Variants in SECISBP2 observed in about 807,000 individuals in gnomAD.
The protein encoded by SECISBP2 is SECIS binding protein 2.
In SECISBP2, 96 loss-of-function variants were observed where a neutral mutation model predicts 98.2. That is an observed-to-expected ratio of 0.98 (90% CI 0.83 to 1.16). SECISBP2 has a LOEUF of 1.16. Among genes scored for constraint, SECISBP2 ranks in the 50% most tolerant of loss-of-function variants. The probability of loss-of-function intolerance (pLI) is 0.00; values close to 1 mark genes in which losing one functional copy is unlikely to be tolerated. For missense variants in SECISBP2, 1,046 were observed against 1,022.9 expected, an observed-to-expected ratio of 1.02 and a Z score of -0.31; for synonymous variants, 407 against 370.2, an observed-to-expected ratio of 1.10 and a Z score of -1.14.
intron 14 of SECISBP2, among the ~76,000 whole-genome samples, chr9:89,356,226 C>T (rs1407579083): frequency 6.6e-6 from 1 of 152,230 alleles, no homozygotes; most frequent in Non-Finnish European, 1.5e-5. Context: ...TCTAGGTTGC[C>T]TGCTCCTTAT....
In SECISBP2 at chr9:89,358,153, GC is replaced by G. The variant is rs1220391014; in HGVS notation, c.2429del (p.Pro810GlnfsTer3). 3 of 1,613,584 alleles carry G rather than the reference GC, an allele frequency of 1.9e-6. No homozygotes were observed. The highest frequency in any genetic ancestry group is 2.5e-6 in the Non-Finnish European group (3 of 1,179,862). On this transcript the variant is annotated frameshift_variant, in exon 16 of 17. Coordinates refer to ENST00000375807, the MANE Select transcript of SECISBP2 (RefSeq NM_024077.5). LOFTEE classifies it low-confidence loss of function (END_TRUNC). ...GGCCCCAGCTGCCCTGCAGAAGATG[GC>G]CCCCCAGCCCTGAAAGAAAAAGAAG... ...TQGPSCPAED[G>X]PPALKEKEEP... is the part of the protein sequence containing the mutation.
chr9:89,355,285 C>A (rs1831895732), intron 14 of SECISBP2: 2 of 985,390 alleles, frequency 2.0e-6, no homozygotes, highest in Non-Finnish European at 2.4e-6. Flanking sequence ...ATCCTGTAGG[C>A]CAGATGCCTG....
At chr9:89,365,871 C>G in the SECISBP2 span, among the ~76,000 whole-genome samples, 2 of 152,218 alleles carry the variant, frequency 1.3e-5, no homozygotes, top group Admixed American at 1.3e-4. Flanking sequence ...ATGAAGCTGA[C>G]TTTAGTAATG....
At chr9:89,332,779 C>A in intron 5 of SECISBP2, 129 bp from the exon 6 acceptor site, 2 of 756,828 alleles carry the variant, frequency 2.6e-6, no homozygotes, top group South Asian at 3.0e-5. Context: ...GTGGCTGTAA[C>A]GTTTTTCATT....
At chr9:89,347,353 T>C (rs1453343045) in intron 11 of SECISBP2, among the ~76,000 whole-genome samples, 6 of 152,108 alleles carry the variant, frequency 3.9e-5, no homozygotes, top group Admixed American at 6.6e-5. Flanking sequence ...CTTCTTCTTA[T>C]GATCCCCCTT....
intron 5 of SECISBP2, 90 bp downstream of exon 5, chr9:89,328,976 C>A: frequency 1.9e-6 from 2 of 1,069,512 alleles, no homozygotes; most frequent in African/African-American, 1.6e-5. Flanking sequence ...TTGCTGTGGG[C>A]TTTGATGTCC....
chr9:89,356,130 C>T lies in SECISBP2; in HGVS notation c.2114-1281C>T, dbSNP rs7038368. ...GCACAGCAGGAGGTGAGCATTACTGCCTGAGCTCTGCCTTCTGTCAGAACA... is the reference window on the plus strand; with the variant it reads ...GCACAGCAGGAGGTGAGCATTACTGTCTGAGCTCTGCCTTCTGTCAGAACA... On this transcript the variant is annotated intron_variant, in intron 14 of 16. Transcript: ENST00000375807. Among the ~76,000 whole-genome samples the T allele has an allele frequency of 9.3e-3, 1,411 of 152,322 alleles. 25 individuals carry two copies. The highest frequency in any genetic ancestry group is 0.032 in the African/African-American group (1,344 of 41,570).
chr9:89,357,291 C>T, intron 14 of SECISBP2, 120 bp from the exon 15 acceptor site: 1 of 1,086,310 alleles, frequency 9.2e-7, no homozygotes, highest in South Asian at 1.3e-5. Context: ...TCAGGGGCGT[C>T]TGCCTTGGAT....
chr9:89,330,029 C>T (rs542409270), intron 5 of SECISBP2: 1 of 152,298 alleles, frequency 6.6e-6, no homozygotes, highest in African/African-American at 2.4e-5. Context: ...ATTTTCTTCA[C>T]CATCATTTCA....
At chr9:89,329,206 G>A (rs960422603) in intron 5 of SECISBP2, 11 of 304,354 alleles carry the variant, frequency 3.6e-5, no homozygotes, top group Non-Finnish European at 6.2e-5. Flanking sequence ...TCCGCCTCCC[G>A]GGTTCAAGCA....
chr9:89,365,066 C>T, the SECISBP2 span: 3 of 152,312 alleles, frequency 2.0e-5, no homozygotes, highest in Non-Finnish European at 4.4e-5. Flanking sequence ...GGCTCAACTC[C>T]CTGTTCTTAC....
chr9:89,355,395 A>T, intron 14 of SECISBP2: 1 of 985,292 alleles, frequency 1.0e-6, no homozygotes, highest in Non-Finnish European at 1.2e-6. Flanking sequence ...CATCCTCTCC[A>T]GGAGTTTTTA....
At chr9:89,362,111 A>G (rs547958248), downstream of SECISBP2, 4 of 568,224 alleles carry the variant, frequency 7.0e-6, no homozygotes, top group African/African-American at 5.6e-5. Context: ...GCAGCTATCA[A>G]AGCCTGTTAG....
chr9:89,360,442 A>G (rs1282877575), downstream of SECISBP2, among the ~76,000 whole-genome samples: 2 of 152,208 alleles, frequency 1.3e-5, no homozygotes, highest in Non-Finnish European at 2.9e-5. Flanking sequence ...AATTTGATAA[A>G]TCAAAAAATT....
intron 9 of SECISBP2, 62 bp from the exon 10 acceptor site, chr9:89,341,285 G>A: frequency 6.7e-7 from 1 of 1,491,042 alleles, no homozygotes. Context: ...TCAGTTTTTT[G>A]TAAAAAGAAA....
At chr9:89,320,556 C>T (rs1478197243) in intron 2 of SECISBP2, among the ~76,000 whole-genome samples, 4 of 152,104 alleles carry the variant, frequency 2.6e-5, no homozygotes, top group Non-Finnish European at 4.4e-5. Flanking sequence ...CCATAGCTGC[C>T]TCTGTGTGGA....
chr9:89,318,626 G>A lies in SECISBP2; in HGVS notation c.36+14G>A, dbSNP rs535847083. 5 of 1,426,516 alleles carry A rather than the reference G, an allele frequency of 3.5e-6. No individual in the cohort carries two copies. Among genetic ancestry groups the A allele is most frequent in the East Asian group, 5.8e-5 (2 of 34,394 alleles). The allele number at this position is 1,426,516 out of a possible 1,614,324, so 88.4% of individuals were successfully genotyped here. A position where few individuals can be genotyped will look rare whatever the true frequency, so the allele number is the denominator to read the frequency against. The stretch of plus-strand genomic sequence containing the variant: ...CCCGAAAGCGAGGTAAGGGCCGACG[G>A]GGGCTCTCTCGGCAGCCTCAGTCCG... On this transcript the variant is annotated intron_variant, in intron 1 of 16. Coordinates refer to ENST00000375807, the MANE Select transcript of SECISBP2 (RefSeq NM_024077.5).
chr9:89,333,035 T>A (rs756712361), intron 6 of SECISBP2, 49 bp downstream of exon 6: 3 of 1,525,426 alleles, frequency 2.0e-6, no homozygotes, highest in South Asian at 1.1e-5. Flanking sequence ...ATAGATTTTT[T>A]AAGTTCATTT....
At chr9:89,334,449 G>A (rs937486800) in intron 6 of SECISBP2, 73 bp from the exon 7 acceptor site, 65 of 1,211,438 alleles carry the variant, frequency 5.4e-5, no homozygotes, top group Non-Finnish European at 6.8e-5. Flanking sequence ...CTCATGTAAT[G>A]CATGTTTGAG....
Sources: gnomAD v4.1 joint callset for allele counts (sites outside exome capture counted in the v4.1 genomes callset) on GRCh38, gnomAD v4.1.1 for gene constraint, MANE v1.5 for transcripts, NCBI Gene and HGNC (gene_info 2026-07-23, HGNC 2026-07-21) for gene names.